Variants in VRTN observed in about 807,000 individuals in gnomAD.
VRTN encodes the protein vertnin.
VRTN carries 5 observed loss-of-function variants against 18.2 expected under a neutral mutation model. The ratio of observed to expected loss-of-function variants is 0.27; its 90% CI spans 0.14 to 0.58. VRTN has a LOEUF of 0.58. Ranked by LOEUF, VRTN falls within the 20% of genes least tolerant of loss-of-function variation. The pLI is 0.91. For missense variants in VRTN, 741 were observed against 939.4 expected, an observed-to-expected ratio of 0.79 and a Z score of 2.76; for synonymous variants, 381 against 393.7, an observed-to-expected ratio of 0.97 and a Z score of 0.38.
At chr14:74,350,727 G>A (rs963738242) in intron 1 of VRTN, among the ~76,000 whole-genome samples, 3 of 152,160 alleles carry the variant, frequency 2.0e-5, no homozygotes, top group African/African-American at 7.2e-5. Flanking sequence ...CTCCAGGTGT[G>A]AACTCGGACT....
At chr14:74,322,460 C>T (rs1483868096) in intron 1 of VRTN, among the ~76,000 whole-genome samples, 1 of 152,084 alleles carries the variant, frequency 6.6e-6, no homozygotes, top group Non-Finnish European at 1.5e-5. Context: ...TATTTAAATT[C>T]ATTTCTTATT....
chr14:74,320,477 T>G (rs1490893989), intron 1 of VRTN, among the ~76,000 whole-genome samples: 1 of 148,212 alleles, frequency 6.7e-6, no homozygotes, highest in Non-Finnish European at 1.5e-5. Flanking sequence ...TTAGCCAGGA[T>G]GGTCTCGATC....
chr14:74,352,740 G>A (rs1197524715), intron 1 of VRTN, among the ~76,000 whole-genome samples: 1 of 152,082 alleles, frequency 6.6e-6, no homozygotes, highest in Non-Finnish European at 1.5e-5. Context: ...TCTGAAAAAT[G>A]TATATACCCA....
intron 1 of VRTN, among the ~76,000 whole-genome samples, chr14:74,309,990 C>T (rs111698689): frequency 6.6e-6 from 1 of 152,114 alleles, no homozygotes; most frequent in African/African-American, 2.4e-5. Flanking sequence ...GATGTTTCTA[C>T]AGCATAGAAG....
intron 2 of VRTN, among the ~76,000 whole-genome samples, chr14:74,339,226 T>G (rs2085584663): frequency 6.6e-6 from 1 of 152,164 alleles, no homozygotes; most frequent in Non-Finnish European, 1.5e-5. Flanking sequence ...TATGGCTGTT[T>G]TATCAGATCA....
chr14:74,351,693 T>C (rs1363791957), intron 1 of VRTN, among the ~76,000 whole-genome samples: 1 of 151,808 alleles, frequency 6.6e-6, no homozygotes, highest in Non-Finnish European at 1.5e-5. Context: ...TTGTCCAGGC[T>C]GGTCTCTAAC....
At chr14:74,350,315 C>G (rs1009462520) in intron 1 of VRTN, among the ~76,000 whole-genome samples, 1 of 152,028 alleles carries the variant, frequency 6.6e-6, no homozygotes, top group South Asian at 2.1e-4. Context: ...GTACCTCCTA[C>G]CTCTTTGGGG....
At chr14:74,324,387 CAAAAAA>C (rs34158619) in intron 1 of VRTN, among the ~76,000 whole-genome samples, 1 of 73,180 alleles carries the variant, frequency 1.4e-5, no homozygotes, top group Admixed American at 1.8e-4. Flanking sequence ...GACTCTGACT[CAAAAAA>C]AAAAAAAAAA....
rs1555411068 is a variant in VRTN at position 74,331,544 on chromosome 14, T to TATATA, written c.-163-6179_-163-6178insATATA. On this transcript the variant is annotated intron_variant, in intron 1 of 2. Transcript: ENST00000557177. Reference sequence around the variant, plus strand: ...AACTCCATCTCAAAAAAAAAAAATTTTATATATATATATATATATATATAT... The same window carrying TATATA: ...AACTCCATCTCAAAAAAAAAAAATTTATATATATATATATATATATATATATATAT... 5.3e-3 allele frequency among the ~76,000 whole-genome samples: 229 copies of TATATA among 43,380 alleles called. 10 individuals carry two copies. The highest frequency in any genetic ancestry group is 0.017 in the Middle Eastern group (1 of 58). 28.5% of individuals were successfully genotyped at this position (43,380 alleles called of 152,430 possible).
In VRTN at chr14:74,331,410, T is replaced by C. The variant is rs1389754483; in HGVS notation, c.-163-6313T>C. ...CAGGCATGGTAGCAGGTGCCTGTAA[T>C]TCCAGCTACTCAGGAGGTTGAGGTA... On this transcript the variant is annotated intron_variant, in intron 1 of 2. Coordinates refer to the VRTN transcript ENST00000557177. 1.3e-4 allele frequency among the ~76,000 whole-genome samples: 19 copies of C among 150,190 alleles called. 1 individual carries two copies. The Admixed American group carries it at 1.3e-3, about 10-fold the overall frequency.
At chr14:74,347,320 A>G (rs2085649861), upstream of VRTN, among the ~76,000 whole-genome samples, 1 of 152,234 alleles carries the variant, frequency 6.6e-6, no homozygotes, top group African/African-American at 2.4e-5. Context: ...GGCCACTGCC[A>G]TTCCTGGTGG....
At chr14:74,315,465 G>C (rs943797363) in intron 1 of VRTN, among the ~76,000 whole-genome samples, 1 of 152,156 alleles carries the variant, frequency 6.6e-6, no homozygotes, top group Non-Finnish European at 1.5e-5. Context: ...TTGGGATGCC[G>C]AGGCGGGAGG....
chr14:74,313,797 A>G (rs1178240210), intron 1 of VRTN, among the ~76,000 whole-genome samples: 1 of 152,244 alleles, frequency 6.6e-6, no homozygotes, highest in Non-Finnish European at 1.5e-5. Flanking sequence ...CCTAGGCAAC[A>G]TGGCAAGACC....
chr14:74,346,770 ACT>A (rs754168717), upstream of VRTN, among the ~76,000 whole-genome samples: 187 of 152,004 alleles, frequency 1.2e-3, no homozygotes, highest in Non-Finnish European at 2.3e-3. Context: ...CTTAAATAAC[ACT>A]CTTACTTTTG....
At chr14:74,309,754 G>C (rs1032512871) in intron 1 of VRTN, among the ~76,000 whole-genome samples, 1 of 152,130 alleles carries the variant, frequency 6.6e-6, no homozygotes, top group Admixed American at 6.6e-5. Context: ...TGCTTATACT[G>C]TTTTCTAATG....
Position 74,358,809 on chromosome 14 carries a change from G to T in VRTN, c.2026G>T (p.Ala676Ser). Reference sequence around the variant, plus strand: ...CTTTCCCTCCTACAAGGAGTTCAGTGCCCTCTTTCCCCTCACTGCCCGCTC... The same window carrying T: ...CTTTCCCTCCTACAAGGAGTTCAGTTCCCTCTTTCCCCTCACTGCCCGCTC... ...KSFPSYKEFS[A>S]LFPLTARSTY... Residue 676 changes from alanine to serine, a missense_variant, in exon 2 of 2, where the codon GCC (alanine) becomes TCC (serine). Ala to Ser is a moderately conservative substitution (Grantham distance 99). Around this residue, in one of 3 missense-constraint regions of VRTN, gnomAD observed 61 missense variants for 104.6 expected, o/e 0.58. Coordinates refer to ENST00000256362, the MANE Select transcript of VRTN (RefSeq NM_018228.3). The surrounding 1 kb of genome is among the most constrained non-coding windows in gnomAD (Gnocchi z 5.4). 1.2e-6 allele frequency: 2 copies of T among 1,614,222 alleles called. No homozygotes were observed. Among genetic ancestry groups the T allele is most frequent in the Non-Finnish European group, 1.7e-6 (2 of 1,180,026 alleles).
At chr14:74,344,472 C>G (rs1167594540), upstream of VRTN, among the ~76,000 whole-genome samples, 1 of 148,982 alleles carries the variant, frequency 6.7e-6, no homozygotes, top group African/African-American at 2.5e-5. Context: ...GTGGCTCACA[C>G]CTGTAATCCT....
chr14:74,343,614 C>T (rs946629758), upstream of VRTN, among the ~76,000 whole-genome samples: 6 of 152,134 alleles, frequency 3.9e-5, no homozygotes, highest in Non-Finnish European at 4.4e-5. Flanking sequence ...AAGACTGGAT[C>T]CATAAATCAC....
intron 1 of VRTN, among the ~76,000 whole-genome samples, chr14:74,313,333 GA>G (rs1339830561): frequency 6.6e-6 from 1 of 151,820 alleles, no homozygotes; most frequent in Non-Finnish European, 1.5e-5. Flanking sequence ...ATGATAAAGC[GA>G]CTCACATCTA....
Sources: allele counts gnomAD v4.1 joint callset (sites outside exome capture counted in the v4.1 genomes callset), GRCh38; gene constraint gnomAD v4.1.1; regional missense constraint gnomAD v4.1.1; non-coding constraint Gnocchi (gnomAD v3.1); transcripts MANE v1.5; gene names NCBI Gene and HGNC (gene_info 2026-07-23, HGNC 2026-07-21).